Variants in SLC25A37 observed in about 807,000 individuals in gnomAD.
The protein encoded by SLC25A37 is solute carrier family 25 member 37.
A neutral mutation model predicts 31.0 loss-of-function variants in SLC25A37; 17 were observed. That is an observed-to-expected ratio of 0.55 (90% CI 0.38 to 0.82). The LOEUF (loss-of-function observed/expected upper bound fraction) is 0.82. Ranked by LOEUF, SLC25A37 falls within the 40% of genes least tolerant of loss-of-function variation. The pLI is 0.00. For synonymous variants in SLC25A37, 222 were observed against 193.0 expected (o/e 1.15, Z -1.24); for missense variants, 404 against 465.8 (o/e 0.87, Z 1.22).
At chr8:23,535,512 G>A (rs776222611) in intron 1 of SLC25A37, among the ~76,000 whole-genome samples, 3 of 152,196 alleles carry the variant, frequency 2.0e-5, no homozygotes, top group African/African-American at 4.8e-5. Context: ...GAAGGGAGAT[G>A]TATACAAACC....
In SLC25A37 at chr8:23,538,522, C is replaced by CGTGTGT. The variant is rs202005751; in HGVS notation, c.210+9329_210+9334dup. ...AGACTTTCTTGGCTCCGTTGTTTGT[C>CGTGTGT]GTGTGTGTGTGTGTGTGTGTGTGTT... On this transcript the variant is annotated intron_variant, in intron 1 of 3. Coordinates refer to ENST00000519973, the MANE Select transcript of SLC25A37 (RefSeq NM_016612.4). Among the ~76,000 whole-genome samples the CGTGTGT allele has an allele frequency of 3.0e-3, 323 of 108,920 alleles. 2 individuals carry two copies. Among genetic ancestry groups the CGTGTGT allele is most frequent in the African/African-American group, 0.022 (304 of 13,874 alleles). The allele number at this position is 108,920 out of a possible 152,430, so 71.5% of individuals were successfully genotyped here.
chr8:23,531,820 C>T (rs1391834060), intron 1 of SLC25A37: 2 of 152,174 alleles, frequency 1.3e-5, no homozygotes, highest in East Asian at 3.9e-4. Context: ...TTCGTGAGGT[C>T]ACACCTCACA....
intron 1 of SLC25A37, among the ~76,000 whole-genome samples, chr8:23,532,613 C>T (rs1801683524): frequency 6.6e-6 from 1 of 152,192 alleles, no homozygotes; most frequent in Admixed American, 6.5e-5. Context: ...CGGGGGACTT[C>T]CGCTGACCCT....
intron 1 of SLC25A37, among the ~76,000 whole-genome samples, chr8:23,535,874 T>A (rs147988286): frequency 1.9e-3 from 291 of 152,264 alleles, no homozygotes; most frequent in African/African-American, 6.7e-3. Flanking sequence ...TGGGGGAAAC[T>A]GCCCCCATGA....
rs998215303 is a variant in SLC25A37, at chr8:23,566,500, A to G, written c.439+164A>G. On this transcript the variant is annotated intron_variant, in intron 2 of 3. Transcript: ENST00000519973. Reference sequence around the variant, plus strand: ...AATGCACACCCAGACACACGCACGCACACACACGCGCGCGCACACACATGC... The same window carrying G: ...AATGCACACCCAGACACACGCACGCGCACACACGCGCGCGCACACACATGC... The G allele has an allele frequency of 7.8e-6, 11 of 1,414,040 alleles. No homozygotes were observed. In the African/African-American group the frequency reaches 1.0e-4, roughly 13 times the overall value. The allele number at this position is 1,414,040 out of a possible 1,614,324, so 87.6% of individuals were successfully genotyped here.
At chr8:23,546,574 A>G (rs1266523431) in intron 1 of SLC25A37, among the ~76,000 whole-genome samples, 1,246 of 52,030 alleles carry the variant, frequency 0.024, 51 homozygotes, top group African/African-American at 0.14. Context: ...ATATATATAT[A>G]TATATATAGT....
rs757627229 is a variant in SLC25A37 at position 23,571,891 on chromosome 8, C to G, written c.*36C>G. 18 of 1,594,706 alleles carry G rather than the reference C, an allele frequency of 1.1e-5. No homozygotes were observed. The Admixed American group carries it at 2.2e-4, about 20-fold the overall frequency. On this transcript the variant is annotated 3_prime_UTR_variant, in exon 4 of 4. Coordinates refer to ENST00000519973, the MANE Select transcript of SLC25A37 (RefSeq NM_016612.4). Reference sequence around the variant, plus strand: ...CATAGAATCTTTTCTTAAAGTCATTCTCTGCCTGCATCCAGCCCCTTGCCC... The same window carrying G: ...CATAGAATCTTTTCTTAAAGTCATTGTCTGCCTGCATCCAGCCCCTTGCCC...
intron 1 of SLC25A37, among the ~76,000 whole-genome samples, chr8:23,550,050 A>G (rs770425861): frequency 7.3e-6 from 1 of 137,218 alleles, no homozygotes; most frequent in Admixed American, 7.1e-5. Context: ...GTGCGGTGGC[A>G]CATGCCTGTA....
rs1167235192 is a variant in SLC25A37, at chr8:23,546,553, AG to A, written c.210+17342del. 9.8e-3 allele frequency among the ~76,000 whole-genome samples: 167 copies of A among 17,048 alleles called. 5 individuals carry two copies. Among genetic ancestry groups the A allele is most frequent in the East Asian group, 0.036 (31 of 864 alleles). 11.2% of individuals were successfully genotyped at this position (17,048 alleles called of 152,430 possible). A position where few individuals can be genotyped will look rare whatever the true frequency, so the allele number is the denominator to read the frequency against. ...GGTGTATATATATATATATATATAT[AG>A]TGTATATATATATATATATATATAT... On this transcript the variant is annotated intron_variant, in intron 1 of 3. Coordinates refer to ENST00000519973, the MANE Select transcript of SLC25A37 (RefSeq NM_016612.4).
intron 1 of SLC25A37, among the ~76,000 whole-genome samples, chr8:23,551,578 A>G (rs1294683319): frequency 6.6e-6 from 1 of 151,478 alleles, no homozygotes; most frequent in African/African-American, 2.4e-5. Context: ...CTGTTTATCC[A>G]AAGGAAAAAA....
At chr8:23,540,916 G>C (rs2117395242) in intron 1 of SLC25A37, among the ~76,000 whole-genome samples, 1 of 152,316 alleles carries the variant, frequency 6.6e-6, no homozygotes, top group South Asian at 2.1e-4. Flanking sequence ...GCAGGTGCTA[G>C]GTCATGGTAT....
chr8:23,551,765 A>C (rs1309110848), intron 1 of SLC25A37, among the ~76,000 whole-genome samples: 1 of 152,138 alleles, frequency 6.6e-6, no homozygotes, highest in Non-Finnish European at 1.5e-5. Flanking sequence ...TTGAGGAGGA[A>C]GCAACAGAGC....
intron 1 of SLC25A37, among the ~76,000 whole-genome samples, chr8:23,546,516 TATATATATATAG>T (rs1398030522): frequency 3.9e-5 from 3 of 76,078 alleles, no homozygotes; most frequent in Non-Finnish European, 6.4e-5. Flanking sequence ...TATATAGGTA[TATATATATATAG>T]GTGTATATAT....
chr8:23,571,483 C>T lies in SLC25A37; in HGVS notation c.645C>T (p.His215=). 1 of 1,614,040 alleles carries T rather than the reference C, an allele frequency of 6.2e-7. No homozygotes were observed. The highest frequency in any genetic ancestry group is 1.1e-5 in the South Asian group (1 of 91,082). Residue 215 remains histidine (H), a synonymous_variant, in exon 4 of 4, where the codon CAC becomes CAT. Transcript: ENST00000519973. ...LTMNIPFQSI[H]FITYEFLQEQ... Reference sequence around the variant, plus strand: ...TGAACATCCCCTTCCAGTCCATCCACTTCATCACCTATGAGTTCCTGCAGG... The same window carrying T: ...TGAACATCCCCTTCCAGTCCATCCATTTCATCACCTATGAGTTCCTGCAGG...
intron 1 of SLC25A37, among the ~76,000 whole-genome samples, chr8:23,552,916 C>CGATGATGG (rs1451159661): frequency 1.2e-4 from 18 of 152,132 alleles, no homozygotes; most frequent in Admixed American, 3.9e-4. Flanking sequence ...CGTGCAAAAC[C>CGATGATGG]GATGATGGCA....
intron 2 of SLC25A37, 69 bp downstream of exon 2, chr8:23,566,405 C>G: frequency 6.5e-7 from 1 of 1,536,052 alleles, no homozygotes; most frequent in Non-Finnish European, 8.7e-7. Flanking sequence ...CAGGGTGTTC[C>G]TCCCTGTGAC....
At chr8:23,530,663 A>G (rs1801645528) in intron 1 of SLC25A37, among the ~76,000 whole-genome samples, 1 of 152,166 alleles carries the variant, frequency 6.6e-6, no homozygotes, top group South Asian at 2.1e-4. Flanking sequence ...AATGTAATAA[A>G]ATTCTCCATG....
chr8:23,561,603 C>T (rs1802516917), intron 1 of SLC25A37, among the ~76,000 whole-genome samples: 2 of 152,194 alleles, frequency 1.3e-5, no homozygotes, highest in Non-Finnish European at 2.9e-5. Context: ...GGCTGGGTGG[C>T]TGTACAGCCT....
At chr8:23,548,839 G>A (rs1161608889) in intron 1 of SLC25A37, among the ~76,000 whole-genome samples, 1 of 152,126 alleles carries the variant, frequency 6.6e-6, no homozygotes, top group Non-Finnish European at 1.5e-5. Flanking sequence ...TCTCTGCTCT[G>A]TCTGGTGTTC....
Sources: allele counts gnomAD v4.1 joint callset (sites outside exome capture counted in the v4.1 genomes callset), GRCh38; gene constraint gnomAD v4.1.1; transcripts MANE v1.5; gene names NCBI Gene and HGNC (gene_info 2026-07-23, HGNC 2026-07-21).